Variants in IQCH observed in about 807,000 individuals in gnomAD.
IQCH encodes the protein IQ domain-containing protein H.
Under a neutral mutation model 117.0 loss-of-function variants are expected in IQCH, and 98 were observed. That is an observed-to-expected ratio of 0.84 (90% CI 0.71 to 0.99). The LOEUF (loss-of-function observed/expected upper bound fraction) is 0.99. Among genes scored for constraint, IQCH ranks in the 50% least tolerant of loss-of-function variants. The pLI is 0.00. For missense variants in IQCH, 1,102 were observed against 1,243.8 expected (o/e 0.89, Z 1.72); for synonymous variants, 412 against 448.2 (o/e 0.92, Z 1.02).
rs184323656 is a variant in IQCH at position 67,384,809 on chromosome 15, T to G, written c.1373-127T>G. 2.7e-5 allele frequency: 18 copies of G among 659,558 alleles called. No homozygotes were observed. The highest frequency in any genetic ancestry group is 2.4e-4 in the African/African-American group (13 of 55,292). 40.9% of individuals were successfully genotyped at this position (659,558 alleles called of 1,614,324 possible). ...ACCTCATTCTTCGGGATTGGGTTGT[T>G]TCTGTAAGATGCTTCAGAGAAAATT... On this transcript the variant is annotated intron_variant, in intron 10 of 20. Coordinates refer to ENST00000335894, the MANE Select transcript of IQCH (RefSeq NM_001031715.3). The surrounding 1 kb of genome is among the most constrained non-coding windows in gnomAD (Gnocchi z 4.3).
rs996550256 is a variant in IQCH, at chr15:67,427,826, T to C, written c.2505+6249T>C. ...TTTCAAGTAGTCTAAATTCCAATAA[T>C]AGATTTTTTTTTTTTTTTTTGAAGC... On this transcript the variant is annotated intron_variant, in intron 16 of 20. Coordinates refer to ENST00000335894, the MANE Select transcript of IQCH (RefSeq NM_001031715.3). The surrounding 1 kb of genome is among the most constrained non-coding windows in gnomAD (Gnocchi z 4.7). Among the ~76,000 whole-genome samples, 4 of 150,444 alleles carry C rather than the reference T, an allele frequency of 2.7e-5. No homozygotes were observed. Among genetic ancestry groups the C allele is most frequent in the Non-Finnish European group, 5.9e-5 (4 of 67,788 alleles).
intron 4 of IQCH, among the ~76,000 whole-genome samples, chr15:67,321,597 C>G (rs550702213): frequency 2.5e-4 from 37 of 149,196 alleles, no homozygotes; most frequent in African/African-American, 9.1e-4. Context: ...CTTCCCCTCT[C>G]TCTCTTTCCT....
At chr15:67,277,681 A>G (rs1275536629) in intron 3 of IQCH, among the ~76,000 whole-genome samples, 2 of 151,960 alleles carry the variant, frequency 1.3e-5, no homozygotes, top group Admixed American at 1.3e-4. Flanking sequence ...CAACAGGCAC[A>G]TGCCACCACG....
At chr15:67,499,236 C>G (rs2083910555) in intron 20 of IQCH, among the ~76,000 whole-genome samples, 1 of 123,574 alleles carries the variant, frequency 8.1e-6, no homozygotes. Flanking sequence ...AAGGTCAAAG[C>G]TGAAGTGAGT....
rs144720623 is a variant in IQCH at position 67,269,828 on chromosome 15, T to C, written c.269+6612T>C. Among the ~76,000 whole-genome samples, 7 of 152,346 alleles carry C rather than the reference T, an allele frequency of 4.6e-5. No individual in the cohort carries two copies. The East Asian group carries it at 1.3e-3, about 29-fold the overall frequency. ...AATGACAGGATTCCTTTGTTTTTTA[T>C]GGTTAAATAATATTCCATTGTGTAT... On this transcript the variant is annotated intron_variant, in intron 3 of 20. Transcript: ENST00000335894.
At chr15:67,478,574 G>T (rs2141056023) in intron 18 of IQCH, among the ~76,000 whole-genome samples, 1 of 152,162 alleles carries the variant, frequency 6.6e-6, no homozygotes, top group East Asian at 1.9e-4. Flanking sequence ...AGAGAGAGGA[G>T]AAAATCCAGA....
At chr15:67,377,582 T>G (rs1970782325) in intron 10 of IQCH, among the ~76,000 whole-genome samples, 1 of 152,202 alleles carries the variant, frequency 6.6e-6, no homozygotes, top group Non-Finnish European at 1.5e-5. Context: ...CCCCTGTGCT[T>G]CTTTACTGCA....
chr15:67,407,890 A>G lies in IQCH; in HGVS notation c.2097+7585A>G, dbSNP rs983525532. The G allele has an allele frequency of 2.6e-5, 4 of 152,144 alleles. No homozygotes were observed. The highest frequency in any genetic ancestry group is 5.9e-5 in the Non-Finnish European group (4 of 68,038). 9.4% of individuals were successfully genotyped at this position (152,144 alleles called of 1,614,324 possible). A position where few individuals can be genotyped will look rare whatever the true frequency, so the allele number is the denominator to read the frequency against. ...AGCATTATTGTGGTGAGAGTGTAGG[A>G]GTTGTAATTGTTGTGGTATCAGAGC... On this transcript the variant is annotated intron_variant, in intron 14 of 20. Coordinates refer to ENST00000335894, the MANE Select transcript of IQCH (RefSeq NM_001031715.3). The surrounding 1 kb of genome is among the most constrained non-coding windows in gnomAD (Gnocchi z 5.3).
intron 4 of IQCH, among the ~76,000 whole-genome samples, chr15:67,286,356 A>G (rs1052140558): frequency 6.6e-6 from 1 of 152,162 alleles, no homozygotes; most frequent in Non-Finnish European, 1.5e-5. Context: ...TTTTCCAAAT[A>G]TAAGATCATA....
intron 16 of IQCH, among the ~76,000 whole-genome samples, chr15:67,423,032 T>A (rs1363692833): frequency 2.0e-5 from 3 of 152,232 alleles, no homozygotes; most frequent in Non-Finnish European, 2.9e-5. Context: ...GAGTTTATGT[T>A]TTTTGGCAGT....
chr15:67,498,603 G>A (rs146611487), intron 20 of IQCH, among the ~76,000 whole-genome samples: 250 of 133,606 alleles, frequency 1.9e-3, no homozygotes, highest in African/African-American at 6.9e-3. Context: ...GCGACAGAGC[G>A]AGATTCCGTC....
intron 3 of IQCH, among the ~76,000 whole-genome samples, chr15:67,271,495 A>G (rs76791194): frequency 6.6e-6 from 1 of 152,224 alleles, no homozygotes; most frequent in East Asian, 1.9e-4. Context: ...GGTGTTAGTT[A>G]TTCTTTAAAT....
chr15:67,500,717 G>A lies in IQCH; in HGVS notation c.3055G>A (p.Asp1019Asn), dbSNP rs2083956948. The part of the protein sequence containing the change: ...RFEEEQQSKD[D>N]KNLSKPKK ...TGAAGAGGAGCAACAGTCCAAAGAT[G>A]ATAAAAACCTCTCTAAACCCAAGAA... is the stretch of plus-strand genomic sequence containing the variant. The change falls in exon 21 of 21, where the codon GAT becomes AAT. Residue 1019 changes from aspartate to asparagine, a missense_variant. This residue lies in a region of IQCH where 650 missense variants were observed against 794.3 expected (regional missense o/e 0.82). Coordinates refer to ENST00000335894, the MANE Select transcript of IQCH (RefSeq NM_001031715.3). This position sits in a 1 kb window ranked among gnomAD's most constrained non-coding sequence, Gnocchi z 4.4. 1 of 1,593,932 alleles carries A rather than the reference G, an allele frequency of 6.3e-7. No individual in the cohort carries two copies. Among genetic ancestry groups the A allele is most frequent in the African/African-American group, 1.3e-5 (1 of 74,340 alleles).
chr15:67,275,684 C>T (rs1966092339), intron 3 of IQCH, among the ~76,000 whole-genome samples: 1 of 152,084 alleles, frequency 6.6e-6, no homozygotes, highest in Non-Finnish European at 1.5e-5. Context: ...TTGAGACCAG[C>T]CTGGGCAACA....
At position 67,369,367 on chromosome 15, in the gene IQCH, A is replaced by G. The variant is rs901200479; in HGVS notation, c.754-2744A>G. ...TGTGACCCAAGAAGCACCAGGTGAGAATACAATGTTTTGACAGAAATCCTT... is the reference window on the plus strand; with the variant it reads ...TGTGACCCAAGAAGCACCAGGTGAGGATACAATGTTTTGACAGAAATCCTT... On this transcript the variant is annotated intron_variant, in intron 8 of 20. Coordinates refer to ENST00000335894, the MANE Select transcript of IQCH (RefSeq NM_001031715.3). This position sits in a 1 kb window ranked among gnomAD's most constrained non-coding sequence, Gnocchi z 5.2. Among the ~76,000 whole-genome samples, 4 of 152,170 alleles carry G rather than the reference A, an allele frequency of 2.6e-5. No homozygotes were observed. Among genetic ancestry groups the G allele is most frequent in the African/African-American group, 7.2e-5 (3 of 41,436 alleles).
At chr15:67,439,906 A>G (rs1441382944) in intron 16 of IQCH, among the ~76,000 whole-genome samples, 1 of 149,278 alleles carries the variant, frequency 6.7e-6, no homozygotes, top group Admixed American at 6.7e-5. Context: ...AAAAAAAAAA[A>G]TACAAACGAT....
intron 14 of IQCH, 74 bp downstream of exon 14, chr15:67,400,379 G>T: frequency 9.1e-7 from 1 of 1,098,820 alleles, no homozygotes; most frequent in South Asian, 1.4e-5. Flanking sequence ...GTTCAGCTAA[G>T]AGATGAAAGT....
In IQCH at chr15:67,321,701, A is replaced by T. The variant is rs536756916; in HGVS notation, c.388-15274A>T. Among the ~76,000 whole-genome samples, 16 of 151,332 alleles carry T rather than the reference A, an allele frequency of 1.1e-4. No homozygotes were observed. The East Asian group carries it at 2.7e-3, about 26-fold the overall frequency. ...TTGGCAGCAGGGTGCCTTGGCTTTT[A>T]TCAGAAGCCAAATGGCTACACTGTT... On this transcript the variant is annotated intron_variant, in intron 4 of 20. Coordinates refer to ENST00000335894, the MANE Select transcript of IQCH (RefSeq NM_001031715.3).
At chr15:67,451,092 C>T (rs1472250033) in intron 16 of IQCH, among the ~76,000 whole-genome samples, 3 of 151,940 alleles carry the variant, frequency 2.0e-5, no homozygotes, top group African/African-American at 7.3e-5. Flanking sequence ...TTTTTTATTG[C>T]GTCCATTTGA....
Sources: allele counts gnomAD v4.1 joint callset (sites outside exome capture counted in the v4.1 genomes callset), GRCh38; gene constraint gnomAD v4.1.1; regional missense constraint gnomAD v4.1.1; non-coding constraint Gnocchi (gnomAD v3.1); transcripts MANE v1.5; gene names NCBI Gene and HGNC (gene_info 2026-07-23, HGNC 2026-07-21).